Variants in TNS1 observed in about 807,000 individuals in gnomAD.
The protein encoded by TNS1 is tensin-1.
Under a neutral mutation model 168.6 loss-of-function variants are expected in TNS1, and 62 were observed. The ratio of observed to expected loss-of-function variants is 0.37; its 90% CI spans 0.30 to 0.45. The LOEUF is 0.45. Ranked by LOEUF, TNS1 falls within the 20% of genes least tolerant of loss-of-function variation. The probability of loss-of-function intolerance (pLI) is 1.00; values close to 1 mark genes in which losing one functional copy is unlikely to be tolerated. For missense variants in TNS1, 2,240 were observed against 2,339.4 expected (o/e 0.96, Z 0.88); for synonymous variants, 934 against 933.2 (o/e 1.00, Z -0.02).
intron 18 of TNS1, among the ~76,000 whole-genome samples, chr2:217,878,334 C>T (rs535340131): frequency 2.0e-5 from 3 of 152,288 alleles, no homozygotes; most frequent in East Asian, 3.9e-4. Context: ...TGCCACAAAA[C>T]CAGATGCCCA....
rs1958906521 is a variant in TNS1 at position 218,032,568 on chromosome 2, C to G, written c.156+1252G>C. On this transcript the variant is annotated intron_variant, in intron 1 of 1. Transcript: ENST00000649572. This position sits in a 1 kb window ranked among gnomAD's most constrained non-coding sequence, Gnocchi z 4.0. ...GCAGTGGGTGCGCCCTGGCAGGCAG[C>G]CCAGATGTCTGGGTAGCCACTGACT... 6.6e-6 allele frequency among the ~76,000 whole-genome samples: 1 copy of G among 152,136 alleles called. No individual in the cohort carries two copies. The highest frequency in any genetic ancestry group is 2.4e-5 in the African/African-American group (1 of 41,438).
At chr2:217,998,645 G>A (rs373493833) in intron 1 of TNS1, among the ~76,000 whole-genome samples, 3 of 152,126 alleles carry the variant, frequency 2.0e-5, no homozygotes, top group African/African-American at 4.8e-5. Flanking sequence ...GACTACCAGC[G>A]CATACCACCA....
At chr2:217,927,003 G>A (rs921185790) in intron 3 of TNS1, among the ~76,000 whole-genome samples, 2 of 152,210 alleles carry the variant, frequency 1.3e-5, no homozygotes. Context: ...CATGGAGCAA[G>A]GGCACCTGAG....
chr2:217,970,825 T>A (rs1957757880), intron 3 of TNS1, among the ~76,000 whole-genome samples: 1 of 151,990 alleles, frequency 6.6e-6, no homozygotes, highest in African/African-American at 2.4e-5. Context: ...AACTCTGTGA[T>A]GATACAAAAA....
chr2:217,875,260 T>G (rs993383030), intron 18 of TNS1, among the ~76,000 whole-genome samples: 5 of 152,302 alleles, frequency 3.3e-5, no homozygotes, highest in African/African-American at 1.2e-4. Context: ...TCAGGCCCAC[T>G]GAGAAGGTGG....
At chr2:218,003,663 A>G (rs367784635), upstream of TNS1, among the ~76,000 whole-genome samples, 11 of 150,498 alleles carry the variant, frequency 7.3e-5, no homozygotes, top group African/African-American at 2.7e-4. Flanking sequence ...TCCTGCAAAC[A>G]TCTGTCCCAG....
At position 217,800,503 on chromosome 2, in the gene TNS1, A is replaced by G. The variant is rs1937321274; in HGVS notation, c.*3956T>C. On this transcript the variant is annotated 3_prime_UTR_variant, in exon 33 of 33. Transcript: ENST00000682258. ...CCATTGCCCAGCACCTCCAACCCCG[A>G]CTCCCAAGTTCCCTAAAGAAATGAG... 6.6e-6 allele frequency: 1 copy of G among 152,004 alleles called. No homozygotes were observed. Among genetic ancestry groups the G allele is most frequent in the Non-Finnish European group, 1.5e-5 (1 of 68,060 alleles). 9.4% of individuals were successfully genotyped at this position (152,004 alleles called of 1,614,324 possible). A position where few individuals can be genotyped will look rare whatever the true frequency, so the allele number is the denominator to read the frequency against.
chr2:218,021,465 C>A (rs577942775), intron 1 of TNS1, among the ~76,000 whole-genome samples: 17 of 152,176 alleles, frequency 1.1e-4, no homozygotes, highest in African/African-American at 2.9e-4. Flanking sequence ...TAGCCTAGAG[C>A]GAGTAGAGCA....
At chr2:217,907,276 T>A (rs1476217484) in intron 4 of TNS1, 25 bp from the exon 5 acceptor site, 13 of 702,998 alleles carry the variant, frequency 1.8e-5, no homozygotes, top group Middle Eastern at 2.3e-4. Flanking sequence ...AGAAACAGCA[T>A]GAGCCCTTAG....
At chr2:218,030,862 AGTGT>A (rs1016058217) in intron 1 of TNS1, among the ~76,000 whole-genome samples, 5 of 151,954 alleles carry the variant, frequency 3.3e-5, no homozygotes, top group Non-Finnish European at 5.9e-5. Flanking sequence ...TGTGTGTGTC[AGTGT>A]GTGTGTGAGA....
chr2:217,972,581 G>A (rs1401454664), intron 3 of TNS1, among the ~76,000 whole-genome samples: 1 of 152,230 alleles, frequency 6.6e-6, no homozygotes, highest in Non-Finnish European at 1.5e-5. Context: ...GCCTCAGTTG[G>A]TACTTGGGAC....
In TNS1 at chr2:217,986,940, A is replaced by G. The variant is rs968552156; in HGVS notation, c.148+4002T>C. ...TGCACGCAGCGCGGAGGAGGTGAGCAGCAGCCTGCGTGGGGGAAGCTATCC... is the reference window on the plus strand; with the variant it reads ...TGCACGCAGCGCGGAGGAGGTGAGCGGCAGCCTGCGTGGGGGAAGCTATCC... On this transcript the variant is annotated intron_variant, in intron 2 of 32. Transcript: ENST00000682258. The surrounding 1 kb of genome is among the most constrained non-coding windows in gnomAD (Gnocchi z 4.7). The G allele has an allele frequency of 2.0e-5, 3 of 152,228 alleles. No homozygotes were observed. Among genetic ancestry groups the G allele is most frequent in the African/African-American group, 7.2e-5 (3 of 41,454 alleles). The allele number at this position is 152,228 out of a possible 1,614,324, so 9.4% of individuals were successfully genotyped here.
intron 3 of TNS1, among the ~76,000 whole-genome samples, chr2:217,958,298 G>A (rs555551207): frequency 1.1e-4 from 16 of 151,630 alleles, no homozygotes; most frequent in African/African-American, 3.4e-4. Flanking sequence ...GCCAGATGCC[G>A]TTAGGAAACA....
At chr2:217,973,106 C>G (rs1333346711) in intron 3 of TNS1, among the ~76,000 whole-genome samples, 1 of 152,094 alleles carries the variant, frequency 6.6e-6, no homozygotes, top group African/African-American at 2.4e-5. Flanking sequence ...GTAATCTCAG[C>G]ACTTTGGGAA....
Position 218,032,140 on chromosome 2 carries a change from C to G in TNS1, c.156+1680G>C, listed in dbSNP as rs1958904102. 6.6e-6 allele frequency among the ~76,000 whole-genome samples: 1 copy of G among 152,170 alleles called. No individual in the cohort carries two copies. The highest frequency in any genetic ancestry group is 2.4e-5 in the African/African-American group (1 of 41,424). On this transcript the variant is annotated intron_variant, in intron 1 of 1. Transcript: ENST00000649572. The surrounding 1 kb of genome is among the most constrained non-coding windows in gnomAD (Gnocchi z 4.0). ...TCAGGGTGTAGGGCAGTTGTGGGAC[C>G]TAGAGAGGCCACCTGGGAGGGGCAG...
intron 3 of TNS1, among the ~76,000 whole-genome samples, chr2:217,964,901 A>G (rs1957586291): frequency 6.6e-6 from 1 of 152,164 alleles, no homozygotes; most frequent in Non-Finnish European, 1.5e-5. Flanking sequence ...CCCCGCTAAC[A>G]TCCCACCCAC....
Position 217,893,527 on chromosome 2 carries a change from G to T in TNS1, c.629C>A (p.Pro210Gln). 1.2e-6 allele frequency: 2 copies of T among 1,613,186 alleles called. No individual in the cohort carries two copies. The highest frequency in any genetic ancestry group is 1.7e-6 in the Non-Finnish European group (2 of 1,179,664). Residue 210 changes from proline to glutamine, a missense_variant, in exon 10 of 33, where the codon CCA becomes CAA. Coordinates refer to ENST00000682258, the MANE Select transcript of TNS1 (RefSeq NM_001387777.1). The part of the protein sequence containing the change: ...LEFGWPDLHT[P>Q]ALEKICSICK... ...GATGCTGCAGATCTTCTCCAGGGCT[G>T]GGGTGTGGAGGTCGGGCCAGCCAAA...
chr2:218,003,006 T>G, upstream of TNS1: 1 of 445,596 alleles, frequency 2.2e-6, no homozygotes, highest in South Asian at 1.6e-5. Flanking sequence ...GCTGGGCCTC[T>G]CGCCCTGCTG....
rs567936585 is a variant in TNS1 at position 217,863,564 on chromosome 2, C to T, written c.1430-14477G>A. 2.0e-3 allele frequency among the ~76,000 whole-genome samples: 297 copies of T among 152,094 alleles called. 5 individuals are homozygous for T. The South Asian group carries it at 0.041, about 21-fold the overall frequency. ...TGAAGGAGCCTGGGGTGTAATAGAC[C>T]GATCTCCGAACTAAGACTCAAGAGT... On this transcript the variant is annotated intron_variant, in intron 18 of 32. Transcript: ENST00000682258.
Sources: gnomAD v4.1 joint callset for allele counts (sites outside exome capture counted in the v4.1 genomes callset) on GRCh38, gnomAD v4.1.1 for gene constraint, Gnocchi (gnomAD v3.1) non-coding constraint, MANE v1.5 for transcripts, NCBI Gene and HGNC (gene_info 2026-07-23, HGNC 2026-07-21) for gene names.